RPS6KL1: variants seen among roughly 807,000 people sequenced by gnomAD.
RPS6KL1 encodes ribosomal protein S6 kinase-like 1.
In RPS6KL1, 41 loss-of-function variants were observed where a neutral mutation model predicts 57.0. The ratio of observed to expected loss-of-function variants is 0.72; its 90% CI spans 0.56 to 0.93. The LOEUF (loss-of-function observed/expected upper bound fraction) is 0.93. Ranked by LOEUF, RPS6KL1 falls within the 40% of genes least tolerant of loss-of-function variation. RPS6KL1 has a pLI of 0.00. For missense variants in RPS6KL1, 697 were observed against 727.7 expected, an observed-to-expected ratio of 0.96 and a Z score of 0.49; for synonymous variants, 287 against 309.7, an observed-to-expected ratio of 0.93 and a Z score of 0.77.
chr14:74,907,685 C>T (rs1885155976), intron 10 of RPS6KL1, among the ~76,000 whole-genome samples, 155 bp from the exon 11 acceptor site: 1 of 152,158 alleles, frequency 6.6e-6, no homozygotes, highest in African/African-American at 2.4e-5. Flanking sequence ...GATGGCTAAG[C>T]AGTGCCTTTA....
chr14:74,921,472 A>T lies in RPS6KL1; in HGVS notation c.70T>A (p.Ser24Thr), dbSNP rs747257737. 6.2e-7 allele frequency: 1 copy of T among 1,614,086 alleles called. No individual in the cohort carries two copies. Among genetic ancestry groups the T allele is most frequent in the South Asian group, 1.1e-5 (1 of 91,088 alleles). Residue 24 changes from serine (S) to threonine (T), a missense_variant, in exon 3 of 12, where the codon TCC becomes ACC. Transcript: ENST00000557413. Reference protein sequence around the residue: ...LEPEPCSRARSQAHVYLEQIR... With the variant: ...LEPEPCSRARTQAHVYLEQIR... ...TGCTCCAGGTACACGTGAGCTTGGG[A>T]CCGTGCTCGTGAGCAAGGCTCAGGC...
Position 74,919,829 on chromosome 14 carries a change from G to C in RPS6KL1, c.390+16C>G. 2 of 1,608,754 alleles carry C rather than the reference G, an allele frequency of 1.2e-6. No individual in the cohort carries two copies. The highest frequency in any genetic ancestry group is 1.7e-6 in the Non-Finnish European group (2 of 1,177,640). On this transcript the variant is annotated intron_variant, in intron 4 of 11. Transcript: ENST00000557413. ...CTCCTCCCGCTCAGGCCTTTGGGTG[G>C]GGGGGGTCTCCTCACCGCGCTGGGG... is the stretch of plus-strand genomic sequence containing the variant.
rs141376072 is a variant in RPS6KL1, at chr14:74,911,282, C to G, written c.630G>C (p.Glu210Asp). Residue 210 changes from glutamate (E) to aspartate (D), a missense_variant, in exon 7 of 12, where the codon GAG becomes GAC. Glu to Asp is a conservative substitution (Grantham distance 45). Coordinates refer to ENST00000557413, the MANE Select transcript of RPS6KL1 (RefSeq NM_031464.5). ...MTKLLRYFVS[E>D]DSIFLHLEHV... The stretch of plus-strand genomic sequence containing the variant: ...GCTCCAGGTGCAGGAAGATGGAGTC[C>G]TCGCTCACAAAGTACCTGAGCAGCT... The G allele has an allele frequency of 6.2e-7, 1 of 1,612,742 alleles. No homozygotes were observed. Among genetic ancestry groups the G allele is most frequent in the African/African-American group, 1.3e-5 (1 of 75,022 alleles).
chr14:74,906,242 C>T lies in RPS6KL1; in HGVS notation c.*772G>A, dbSNP rs1043831712. Reference sequence around the variant, plus strand: ...CTGGGGCAGGCTGCCCCTCTTCCCCCACACAGGCCCACTGGGGAGGAGGAC... The same window carrying T: ...CTGGGGCAGGCTGCCCCTCTTCCCCTACACAGGCCCACTGGGGAGGAGGAC... On this transcript the variant is annotated 3_prime_UTR_variant, in exon 12 of 12. Transcript: ENST00000557413. 38 of 298,950 alleles carry T rather than the reference C, an allele frequency of 1.3e-4. No homozygotes were observed. Among genetic ancestry groups the T allele is most frequent in the African/African-American group, 6.9e-4 (32 of 46,070 alleles). 18.5% of individuals were successfully genotyped at this position (298,950 alleles called of 1,614,324 possible).
intron 5 of RPS6KL1, among the ~76,000 whole-genome samples, chr14:74,916,702 G>T (rs1449450099): frequency 6.6e-6 from 1 of 152,062 alleles, no homozygotes; most frequent in Non-Finnish European, 1.5e-5. Context: ...AAAATGGTTG[G>T]GCTTGGCTTT....
chr14:74,919,440 T>G (rs1434270359), intron 4 of RPS6KL1, among the ~76,000 whole-genome samples: 2 of 152,182 alleles, frequency 1.3e-5, no homozygotes, highest in African/African-American at 4.8e-5. Flanking sequence ...GATATGTGTG[T>G]GTGCACACAA....
chr14:74,905,730 T>C lies in RPS6KL1; in HGVS notation c.*1284A>G, dbSNP rs1884688796. 1.3e-5 allele frequency: 2 copies of C among 152,304 alleles called. No individual in the cohort carries two copies. The highest frequency in any genetic ancestry group is 4.2e-4 in the South Asian group (2 of 4,796). 9.4% of individuals were successfully genotyped at this position (152,304 alleles called of 1,614,324 possible). A position where few individuals can be genotyped will look rare whatever the true frequency, so the allele number is the denominator to read the frequency against. ...AGAGAGTCATGTACAGGCTGCGCTT[T>C]CACTTGTCTTCTCTGTCTCAGTCTC... On this transcript the variant is annotated 3_prime_UTR_variant, in exon 12 of 12. Coordinates refer to ENST00000557413, the MANE Select transcript of RPS6KL1 (RefSeq NM_031464.5).
At position 74,906,420 on chromosome 14, in the gene RPS6KL1, G is replaced by A; in HGVS notation, c.*594C>T. On this transcript the variant is annotated 3_prime_UTR_variant, in exon 12 of 12. Transcript: ENST00000557413. ...TCAGGAATCGGGGGTGGGGGGGTGG[G>A]GGTGGGGGTCATCCTGTCCCCTACC... The A allele has an allele frequency of 2.8e-6, 1 of 352,002 alleles. No individual in the cohort carries two copies. The highest frequency in any genetic ancestry group is 5.8e-6 in the Non-Finnish European group (1 of 172,354). 21.8% of individuals were successfully genotyped at this position (352,002 alleles called of 1,614,324 possible).
chr14:74,922,059 G>C lies in RPS6KL1; in HGVS notation c.-102C>G. On this transcript the variant is annotated 5_prime_UTR_variant, in exon 2 of 12. Coordinates refer to ENST00000557413, the MANE Select transcript of RPS6KL1 (RefSeq NM_031464.5). ...CTCCCACAGTGCTGGGATTATAGAC[G>C]TGAGCCACCGCGCAGGCCTGGGGCT... The C allele has an allele frequency of 2.3e-6, 1 of 439,602 alleles. No individual in the cohort carries two copies. Among genetic ancestry groups the C allele is most frequent in the Non-Finnish European group, 3.1e-6 (1 of 324,572 alleles). 27.2% of individuals were successfully genotyped at this position (439,602 alleles called of 1,614,324 possible).
chr14:74,909,107 C>A lies in RPS6KL1; in HGVS notation c.1354G>T (p.Ala452Ser), dbSNP rs550550247. The A allele has an allele frequency of 3.1e-6, 5 of 1,614,058 alleles. No individual in the cohort carries two copies. In the East Asian group the frequency reaches 1.1e-4, roughly 36 times the overall value. The change falls in exon 9 of 12, where the codon GCC (alanine) becomes TCC (serine). Residue 452 changes from alanine to serine, a missense_variant. Coordinates refer to ENST00000557413, the MANE Select transcript of RPS6KL1 (RefSeq NM_031464.5). ...TGGCCTCCCCCCTTCTTGCCTGGGG[C>A]GCTGTAGAGATTGTCCACGGCCTCC... ...CGEAVDNLYS[A>S]PEVGGISELT... is the part of the protein sequence containing the mutation.
chr14:74,911,930 C>T (rs1886073381), intron 5 of RPS6KL1, 89 bp from the exon 6 acceptor site: 1 of 1,107,822 alleles, frequency 9.0e-7, no homozygotes, highest in African/African-American at 1.5e-5. Flanking sequence ...GGTTCCTCCA[C>T]TGAGGCTGAC....
intron 1 of RPS6KL1, among the ~76,000 whole-genome samples, 193 bp downstream of exon 1, chr14:74,922,987 A>C (rs1464144924): frequency 3.3e-5 from 5 of 152,118 alleles, no homozygotes; most frequent in African/African-American, 9.7e-5. Flanking sequence ...GTGCCCGGGT[A>C]GGACTGGCTT....
At chr14:74,921,238 T>TACCCCCCCCCCCCCCCCCCCCCCCCCCCC in intron 3 of RPS6KL1, 39 bp downstream of exon 3, 1 of 840,186 alleles carries the variant, frequency 1.2e-6, no homozygotes, top group Non-Finnish European at 2.0e-6. Flanking sequence ...CACTGGCCCT[T>TACCCCCCCCCCCCCCCCCCCCCCCCCCCC]CCCCACCCAC....
rs1043831712 is a variant in RPS6KL1, at chr14:74,906,242, C to G, written c.*772G>C. The G allele has an allele frequency of 6.7e-6, 2 of 298,950 alleles. No homozygotes were observed. The highest frequency in any genetic ancestry group is 6.0e-5 in the South Asian group (2 of 33,500). 18.5% of individuals were successfully genotyped at this position (298,950 alleles called of 1,614,324 possible). A position where few individuals can be genotyped will look rare whatever the true frequency, so the allele number is the denominator to read the frequency against. ...CTGGGGCAGGCTGCCCCTCTTCCCC[C>G]ACACAGGCCCACTGGGGAGGAGGAC... On this transcript the variant is annotated 3_prime_UTR_variant, in exon 12 of 12. Coordinates refer to ENST00000557413, the MANE Select transcript of RPS6KL1 (RefSeq NM_031464.5).
chr14:74,913,386 G>A (rs982878188), intron 5 of RPS6KL1, among the ~76,000 whole-genome samples: 11 of 152,048 alleles, frequency 7.2e-5, no homozygotes, highest in African/African-American at 2.4e-4. Flanking sequence ...GTGAAACCTC[G>A]TCTCTACTAA....
In RPS6KL1 at chr14:74,906,427, G is replaced by A. The variant is rs1000769495; in HGVS notation, c.*587C>T. 1 of 373,788 alleles carries A rather than the reference G, an allele frequency of 2.7e-6. No individual in the cohort carries two copies. The highest frequency in any genetic ancestry group is 1.9e-5 in the South Asian group (1 of 52,896). 23.2% of individuals were successfully genotyped at this position (373,788 alleles called of 1,614,324 possible). ...TCGGGGGTGGGGGGGTGGGGGTGGG[G>A]GTCATCCTGTCCCCTACCTCATCCC... On this transcript the variant is annotated 3_prime_UTR_variant, in exon 12 of 12. Coordinates refer to ENST00000557413, the MANE Select transcript of RPS6KL1 (RefSeq NM_031464.5).
chr14:74,907,304 G>A, intron 11 of RPS6KL1, 131 bp downstream of exon 11: 1 of 1,436,114 alleles, frequency 7.0e-7, no homozygotes, highest in Non-Finnish European at 9.2e-7. Flanking sequence ...GAAATGTGTT[G>A]CCCCTACTGC....
chr14:74,914,319 A>G (rs115881277), intron 5 of RPS6KL1, among the ~76,000 whole-genome samples: 1,937 of 152,330 alleles, frequency 0.013, 38 homozygotes, highest in African/African-American at 0.044. Flanking sequence ...CTGACACCCC[A>G]GATAATTCCC....
Position 74,909,972 on chromosome 14 carries a change from G to A in RPS6KL1, c.841C>T (p.Pro281Ser). 6.2e-7 allele frequency: 1 copy of A among 1,614,130 alleles called. No homozygotes were observed. Among genetic ancestry groups the A allele is most frequent in the Non-Finnish European group, 8.5e-7 (1 of 1,179,990 alleles). ...PGQDRIALEPPRTSPNLLLAG... is the reference protein window; with the variant it reads ...PGQDRIALEPSRTSPNLLLAG... Reference sequence around the variant, plus strand: ...AGGAGAAGGTTCGGAGAAGTCCTAGGAGGCTCCAGGGCGATTCTGTCCTGG... The same window carrying A: ...AGGAGAAGGTTCGGAGAAGTCCTAGAAGGCTCCAGGGCGATTCTGTCCTGG... Residue 281 changes from proline to serine, a missense_variant, in exon 8 of 12, where the codon CCT becomes TCT. Physicochemically the swap from Pro to Ser is moderately conservative, Grantham distance 74. Coordinates refer to ENST00000557413, the MANE Select transcript of RPS6KL1 (RefSeq NM_031464.5).
Sources: allele counts gnomAD v4.1 joint callset (sites outside exome capture counted in the v4.1 genomes callset), GRCh38; gene constraint gnomAD v4.1.1; transcripts MANE v1.5; gene names NCBI Gene and HGNC (gene_info 2026-07-23, HGNC 2026-07-21).